C12orf42: variants seen among roughly 807,000 people sequenced by gnomAD.
C12orf42 encodes the protein chromosome 12 open reading frame 42, also known as uncharacterized protein C12orf42.
In C12orf42, 25 loss-of-function variants were observed where a neutral mutation model predicts 21.6. That is an observed-to-expected ratio of 1.16 (90% CI 0.84 to 1.62). C12orf42 has a LOEUF of 1.62. Among genes scored for constraint, C12orf42 ranks in the 40% most tolerant of loss-of-function variants. The probability of loss-of-function intolerance (pLI) is 0.00; values close to 1 mark genes in which losing one functional copy is unlikely to be tolerated. For synonymous variants in C12orf42, 174 were observed against 175.0 expected, an observed-to-expected ratio of 0.99 and a Z score of 0.05; for missense variants, 483 against 459.3, an observed-to-expected ratio of 1.05 and a Z score of -0.47.
Position 103,452,715 on chromosome 12 carries a change from T to C in C12orf42, c.78+25634A>G, listed in dbSNP as rs566310038. Among the ~76,000 whole-genome samples, 7 of 152,274 alleles carry C rather than the reference T, an allele frequency of 4.6e-5. No individual in the cohort carries two copies. In the East Asian group the frequency reaches 1.4e-3, roughly 29 times the overall value. On this transcript the variant is annotated intron_variant, in intron 2 of 5. Transcript: ENST00000548883. Reference sequence around the variant, plus strand: ...GCAGCCATAAAAAAGGATGAGTTCATGTCCTTTGCAGGGACATGGATGAAG... The same window carrying C: ...GCAGCCATAAAAAAGGATGAGTTCACGTCCTTTGCAGGGACATGGATGAAG...
chr12:103,481,828 T>C (rs995008222), intron 1 of C12orf42, among the ~76,000 whole-genome samples: 1 of 151,676 alleles, frequency 6.6e-6, no homozygotes, highest in African/African-American at 2.4e-5. Context: ...CCTACACTTT[T>C]AGAATTGACT....
the C12orf42 span, among the ~76,000 whole-genome samples, chr12:103,060,133 T>C: frequency 2.6e-5 from 4 of 152,104 alleles, no homozygotes; most frequent in African/African-American, 9.7e-5. Context: ...TTCAGCAAAG[T>C]CTCAGGATAC....
intron 10 of C12orf42, among the ~76,000 whole-genome samples, chr12:103,245,791 G>A (rs2033980136): frequency 1.3e-5 from 2 of 151,974 alleles, no homozygotes; most frequent in South Asian, 4.1e-4. Context: ...ATGAGATATG[G>A]GACACGTATA....
At chr12:103,513,481 G>C in the C12orf42 span, among the ~76,000 whole-genome samples, 3 of 152,184 alleles carry the variant, frequency 2.0e-5, no homozygotes, top group Non-Finnish European at 2.9e-5. Flanking sequence ...AAGCCTGTCT[G>C]AGTTGGATTT....
At chr12:103,340,119 G>C (rs770178438) in intron 4 of C12orf42, among the ~76,000 whole-genome samples, 8 of 152,206 alleles carry the variant, frequency 5.3e-5, no homozygotes, top group Non-Finnish European at 1.0e-4. Context: ...TTGAGTTGAG[G>C]AGAAAAGAGG....
chr12:103,302,627 GC>G, intron 5 of C12orf42, 68 bp from the exon 6 acceptor site: 1 of 1,326,454 alleles, frequency 7.5e-7, no homozygotes, highest in South Asian at 1.4e-5. Flanking sequence ...CCGCACCCCC[GC>G]GACAACTGGA....
At position 103,316,086 on chromosome 12, in the gene C12orf42, G is replaced by GTA. The variant is rs560386670; in HGVS notation, c.260-9743_260-9742dup. 7.6e-4 allele frequency among the ~76,000 whole-genome samples: 112 copies of GTA among 146,656 alleles called. No homozygotes were observed. The South Asian group carries it at 0.01, about 13-fold the overall frequency. ...CACACACACAGTACTATATAGTACT[G>GTA]TATATATATATACACACACAGTATA... is the stretch of plus-strand genomic sequence containing the variant. On this transcript the variant is annotated intron_variant, in intron 4 of 5. Transcript: ENST00000548883.
At chr12:103,157,508 A>G in the C12orf42 span, among the ~76,000 whole-genome samples, 1 of 152,100 alleles carries the variant, frequency 6.6e-6, no homozygotes, top group African/African-American at 2.4e-5. Context: ...TTTCGTTGCA[A>G]TTGCCTTTGG....
At chr12:103,373,993 T>C (rs930418475) in intron 3 of C12orf42, among the ~76,000 whole-genome samples, 1 of 152,232 alleles carries the variant, frequency 6.6e-6, no homozygotes, top group African/African-American at 2.4e-5. Flanking sequence ...CTCTTACCAC[T>C]GAGGCATATG....
chr12:103,203,707 C>A, the C12orf42 span, among the ~76,000 whole-genome samples: 2 of 152,122 alleles, frequency 1.3e-5, no homozygotes, highest in Non-Finnish European at 2.9e-5. Context: ...CCTTTTGTGG[C>A]CAGTCACTAA....
chr12:103,437,481 G>A (rs1240028438), intron 2 of C12orf42, among the ~76,000 whole-genome samples: 3 of 151,876 alleles, frequency 2.0e-5, no homozygotes, highest in African/African-American at 7.3e-5. Flanking sequence ...TTTTTTGAAA[G>A]GATCAATAAA....
the C12orf42 span, among the ~76,000 whole-genome samples, chr12:103,172,896 CACCACATA>C: frequency 3.4e-4 from 52 of 152,030 alleles, no homozygotes; most frequent in Non-Finnish European, 7.1e-4. Flanking sequence ...TTAAAGTTTC[CACCACATA>C]ACCTCCAGAG....
the C12orf42 span, among the ~76,000 whole-genome samples, chr12:103,139,794 C>G: frequency 6.6e-6 from 1 of 152,188 alleles, no homozygotes; most frequent in East Asian, 1.9e-4. Context: ...ATATGCAGTG[C>G]TTGCAGGTTA....
chr12:103,057,601 T>G, the C12orf42 span, among the ~76,000 whole-genome samples: 29 of 152,192 alleles, frequency 1.9e-4, no homozygotes, highest in Non-Finnish European at 3.8e-4. Context: ...TAGTCTATCA[T>G]TGATGGGCAT....
chr12:103,154,639 A>G, the C12orf42 span, among the ~76,000 whole-genome samples: 1 of 152,192 alleles, frequency 6.6e-6, no homozygotes, highest in Admixed American at 6.5e-5. Flanking sequence ...ACTGTTTTGG[A>G]TATAAAAAGG....
intron 4 of C12orf42, among the ~76,000 whole-genome samples, chr12:103,314,192 G>A (rs542624708): frequency 6.0e-5 from 9 of 151,024 alleles, no homozygotes; most frequent in African/African-American, 2.2e-4. Flanking sequence ...GGCAGGAGAG[G>A]TGTTGGGAGG....
chr12:103,331,304 T>G (rs1237910662), intron 4 of C12orf42, among the ~76,000 whole-genome samples: 1 of 152,242 alleles, frequency 6.6e-6, no homozygotes, highest in Non-Finnish European at 1.5e-5. Flanking sequence ...AATATTGCCA[T>G]GATTTCACAC....
intron 4 of C12orf42, among the ~76,000 whole-genome samples, chr12:103,361,545 A>G (rs1357665210): frequency 6.6e-6 from 1 of 152,078 alleles, no homozygotes; most frequent in Non-Finnish European, 1.5e-5. Flanking sequence ...GAGGAGGGGA[A>G]TCCAGTAGAC....
intron 3 of C12orf42, among the ~76,000 whole-genome samples, chr12:103,399,790 T>C (rs1361953457): frequency 6.6e-6 from 1 of 152,110 alleles, no homozygotes; most frequent in Non-Finnish European, 1.5e-5. Context: ...AAATACAATA[T>C]GTAAGGTATA....
Sources: gnomAD v4.1 joint callset for allele counts (sites outside exome capture counted in the v4.1 genomes callset) on GRCh38, gnomAD v4.1.1 for gene constraint, MANE v1.5 for transcripts, NCBI Gene and HGNC (gene_info 2026-07-23, HGNC 2026-07-21) for gene names.